Variants in KDM6A observed in about 807,000 individuals in gnomAD.
KDM6A encodes lysine-specific demethylase 6A.
Under a neutral mutation model 117.6 loss-of-function variants are expected in KDM6A, and 11 were observed. The observed-to-expected ratio is 0.09, with a 90% confidence interval of 0.06 to 0.15. The LOEUF (loss-of-function observed/expected upper bound fraction) is 0.15. KDM6A is among the 10% of genes least tolerant of loss of function. The pLI is 1.00. For missense variants in KDM6A, 799 were observed against 1,077.3 expected (o/e 0.74, Z 3.62); for synonymous variants, 384 against 396.1 (o/e 0.97, Z 0.36).
chrX:44,993,389 T>A (rs1010093474), intron 4 of KDM6A, among the ~76,000 whole-genome samples: 12 of 111,156 alleles, frequency 1.1e-4, no homozygotes, highest in African/African-American at 3.9e-4. Flanking sequence ...GCTTTTTTTT[T>A]ATTTGAGATG....
chrX:45,020,254 C>T (rs1439396818), intron 5 of KDM6A, among the ~76,000 whole-genome samples: 1 of 111,432 alleles, frequency 9.0e-6, no homozygotes, highest in Non-Finnish European at 1.9e-5. Flanking sequence ...TCCTTAAAAA[C>T]TTTCCTGTTT....
chrX:44,882,851 T>C (rs1327747512), intron 2 of KDM6A, among the ~76,000 whole-genome samples: 2 of 111,371 alleles, frequency 1.8e-5, no homozygotes, highest in Non-Finnish European at 3.8e-5. Flanking sequence ...TGTCCTGCAG[T>C]CAGTCTGTTG....
chrX:44,988,303 A>T (rs1168242684), intron 4 of KDM6A, among the ~76,000 whole-genome samples: 1 of 110,475 alleles, frequency 9.1e-6, no homozygotes, highest in Non-Finnish European at 1.9e-5. Flanking sequence ...CTAGTTAGCC[A>T]TTCATCTGAT....
At chrX:44,992,247 G>A (rs1290295221) in intron 4 of KDM6A, among the ~76,000 whole-genome samples, 4 of 23,852 alleles carry the variant, frequency 1.7e-4, no homozygotes, top group Non-Finnish European at 2.2e-4. Flanking sequence ...TTTTTGAGAC[G>A]GAGTTTTGCT....
rs953334131 is a variant in KDM6A at position 44,873,209 on chromosome X, C to T, written c.-343C>T. On this transcript the variant is annotated 5_prime_UTR_variant, in exon 1 of 30. Coordinates refer to ENST00000611820, the MANE Select transcript of KDM6A (RefSeq NM_001291415.2). ...AATTACAACAACTTTGTGCTGGTGC[C>T]GGGGAAGTTTGTGTCTCCAACGAAT... 1.1e-5 allele frequency: 3 copies of T among 262,053 alleles called. No individual in the cohort carries two copies. Among genetic ancestry groups the T allele is most frequent in the Non-Finnish European group, 2.0e-5 (3 of 151,009 alleles). 21.6% of individuals were successfully genotyped at this position (262,053 alleles called of 1,213,427 possible).
At chrX:45,072,108 C>G (rs896669278) in intron 18 of KDM6A, among the ~76,000 whole-genome samples, 3 of 112,151 alleles carry the variant, frequency 2.7e-5, no homozygotes, top group African/African-American at 9.7e-5. Flanking sequence ...GTTTCTATTT[C>G]TGTTAGTTTC....
At chrX:45,040,357 C>A (rs868797939) in intron 8 of KDM6A, among the ~76,000 whole-genome samples, 1 of 42,620 alleles carries the variant, frequency 2.3e-5, no homozygotes, top group Non-Finnish European at 4.5e-5. Flanking sequence ...GGGCAGAGGC[C>A]CCCCTCACCT....
intron 25 of KDM6A, among the ~76,000 whole-genome samples, chrX:45,089,450 C>A (rs1348386915): frequency 9.3e-6 from 1 of 107,671 alleles, no homozygotes; most frequent in African/African-American, 3.4e-5. Flanking sequence ...TGCTTGAGCC[C>A]AGGAGGCGGA....
intron 27 of KDM6A, among the ~76,000 whole-genome samples, chrX:45,095,816 C>T (rs1470557800): frequency 8.9e-6 from 1 of 112,350 alleles, no homozygotes; most frequent in East Asian, 2.8e-4. Flanking sequence ...TGTACATCTG[C>T]AAAGGCACTA....
At chrX:44,930,136 A>G (rs1408281409) in intron 2 of KDM6A, among the ~76,000 whole-genome samples, 1 of 111,236 alleles carries the variant, frequency 9.0e-6, no homozygotes, top group African/African-American at 3.3e-5. Flanking sequence ...TATTCTGCTT[A>G]CTTTATAAAA....
chrX:45,060,091 G>A lies in KDM6A; in HGVS notation c.1264G>A (p.Ala422Thr). Residue 422 changes from alanine to threonine, a missense_variant, in exon 13 of 30, where the codon GCG becomes ACG. By Grantham distance (58) the Ala-to-Thr change is moderately conservative (BLOSUM62 0). Coordinates refer to ENST00000611820, the MANE Select transcript of KDM6A (RefSeq NM_001291415.2). ...TAAATTACTTCCTAGTATTGAGGAGGCGTGGAGCCTACCAATTCCCGCAGA... is the reference window on the plus strand; with the variant it reads ...TAAATTACTTCCTAGTATTGAGGAGACGTGGAGCCTACCAATTCCCGCAGA... ...KTKLLPSIEEAWSLPIPAELT... is the reference protein window; with the variant it reads ...KTKLLPSIEETWSLPIPAELT... The A allele has an allele frequency of 8.3e-7, 1 of 1,210,658 alleles. No individual in the cohort carries two copies. Among genetic ancestry groups the A allele is most frequent in the East Asian group, 3.0e-5 (1 of 33,827 alleles).
intron 4 of KDM6A, among the ~76,000 whole-genome samples, chrX:44,987,870 C>A (rs966519376): frequency 9.0e-6 from 1 of 111,028 alleles, no homozygotes; most frequent in African/African-American, 3.3e-5. Flanking sequence ...TTTGGTGAAT[C>A]TGACCATTAT....
At chrX:44,992,218 T>C (rs1418187583) in intron 4 of KDM6A, among the ~76,000 whole-genome samples, 1 of 53,458 alleles carries the variant, frequency 1.9e-5, no homozygotes, top group African/African-American at 1.1e-4. Flanking sequence ...TTTTTTTTTT[T>C]TTTTTTTTTT....
intron 7 of KDM6A, among the ~76,000 whole-genome samples, chrX:45,036,950 AC>A (rs1289636422): frequency 8.8e-6 from 1 of 113,054 alleles, no homozygotes; most frequent in Non-Finnish European, 1.9e-5. Flanking sequence ...AACAGTTTGA[AC>A]CATCATGAGT....
intron 2 of KDM6A, among the ~76,000 whole-genome samples, chrX:44,954,929 T>C (rs1445352935): frequency 9.0e-6 from 1 of 110,933 alleles, no homozygotes; most frequent in East Asian, 2.8e-4. Context: ...GGAATGGTTA[T>C]GGGAGAAGTG....
At chrX:44,876,073 A>G (rs1339586898) in intron 2 of KDM6A, among the ~76,000 whole-genome samples, 1 of 111,710 alleles carries the variant, frequency 9.0e-6, no homozygotes, top group Non-Finnish European at 1.9e-5. Flanking sequence ...TTCATGATAT[A>G]TGGGGTAATT....
intron 10 of KDM6A, 97 bp from the exon 11 acceptor site, chrX:45,058,908 AT>A: frequency 2.9e-6 from 2 of 697,290 alleles, no homozygotes; most frequent in Non-Finnish European, 4.5e-6. Flanking sequence ...TTTTAAAAAA[AT>A]TTGCTGTGAT....
At chrX:44,888,599 T>C (rs1004373054) in intron 2 of KDM6A, among the ~76,000 whole-genome samples, 1 of 112,442 alleles carries the variant, frequency 8.9e-6, no homozygotes, top group African/African-American at 3.2e-5. Flanking sequence ...ACTGAATGAA[T>C]GCACATAATG....
intron 27 of KDM6A, among the ~76,000 whole-genome samples, chrX:45,097,984 C>T (rs1235624463): frequency 1.8e-5 from 2 of 112,096 alleles, no homozygotes; most frequent in Non-Finnish European, 3.8e-5. Flanking sequence ...CTTAAAAGTT[C>T]ACAACCTAAC....
Sources: allele counts gnomAD v4.1 joint callset (sites outside exome capture counted in the v4.1 genomes callset), GRCh38; gene constraint gnomAD v4.1.1; transcripts MANE v1.5; gene names NCBI Gene and HGNC (gene_info 2026-07-23, HGNC 2026-07-21).